The following SLC15A5 variants were observed in gnomAD, a reference collection of about 807,000 sequenced individuals.
SLC15A5 encodes the protein solute carrier family 15 member 5.
Under a neutral mutation model 56.1 loss-of-function variants are expected in SLC15A5, and 58 were observed. The observed-to-expected ratio is 1.03, with a 90% confidence interval of 0.84 to 1.29. The LOEUF (loss-of-function observed/expected upper bound fraction) is 1.29, where lower values mean the gene tolerates loss of function less well. SLC15A5 is among the 50% of genes most tolerant of loss of function. The pLI is 0.00. For synonymous variants in SLC15A5, 264 were observed against 250.5 expected, an observed-to-expected ratio of 1.05 and a Z score of -0.51; for missense variants, 681 against 672.1, an observed-to-expected ratio of 1.01 and a Z score of -0.15.
chr12:16,200,081 A>G (rs982678550), intron 7 of SLC15A5, among the ~76,000 whole-genome samples: 28 of 152,046 alleles, frequency 1.8e-4, no homozygotes, highest in African/African-American at 6.0e-4. Flanking sequence ...GCATGAGTAA[A>G]CAGAAAAAGG....
chr12:16,205,590 T>TATATATATATATACAC (rs775209178), intron 7 of SLC15A5, among the ~76,000 whole-genome samples: 1 of 57,150 alleles, frequency 1.7e-5, no homozygotes, highest in African/African-American at 6.6e-5. Context: ...CATATATATA[T>TATATATATATATACAC]ACATATACAC....
intron 8 of SLC15A5, among the ~76,000 whole-genome samples, chr12:16,192,419 A>G (rs10219493): frequency 0.48 from 73,201 of 151,746 alleles, 18,126 homozygotes; most frequent in South Asian, 0.72. Context: ...GGTTCCTCCA[A>G]TCTCTGGTGT....
In SLC15A5 at chr12:16,202,164, C is replaced by T. The variant is rs1349614880; in HGVS notation, c.1484-7711G>A. 2.0e-5 allele frequency among the ~76,000 whole-genome samples: 3 copies of T among 152,164 alleles called. No individual in the cohort carries two copies. The East Asian group carries it at 5.8e-4, about 29-fold the overall frequency. ...AGGAAATAACAGAGTGAAGAGATAA[C>T]CCACAGATTGGGAAAAATATTTGCA... On this transcript the variant is annotated intron_variant, in intron 7 of 8. Coordinates refer to ENST00000344941, the MANE Select transcript of SLC15A5 (RefSeq NM_001170798.1).
At chr12:16,273,595 A>G (rs185143200) in intron 1 of SLC15A5, among the ~76,000 whole-genome samples, 1 of 152,144 alleles carries the variant, frequency 6.6e-6, no homozygotes, top group Admixed American at 6.6e-5. Flanking sequence ...AAACTTTGTG[A>G]TGTGAGTGGA....
Position 16,189,679 on chromosome 12 carries a change from T to C in SLC15A5, c.1729A>G (p.Thr577Ala), listed in dbSNP as rs1488773383. The C allele has an allele frequency of 2.0e-6, 3 of 1,512,094 alleles. No homozygotes were observed. Among genetic ancestry groups the C allele is most frequent in the African/African-American group, 2.8e-5 (2 of 71,930 alleles). The allele number at this position is 1,512,094 out of a possible 1,614,324, so 93.7% of individuals were successfully genotyped here. The change falls in exon 9 of 9, where the codon ACA becomes GCA. Residue 577 changes from threonine (T) to alanine (A), a missense_variant. By Grantham distance (58) the Thr-to-Ala change is moderately conservative. Coordinates refer to ENST00000344941, the MANE Select transcript of SLC15A5 (RefSeq NM_001170798.1). ...ACTCAAACACAGTTTCATAGGGCTG[T>C]CTCCCAAAGATCAATACTTGAAGAA... ...EFSSSIDLWE[T>A]AL is the part of the protein sequence containing the mutation.
At chr12:16,227,062 A>G (rs1294269996) in intron 5 of SLC15A5, among the ~76,000 whole-genome samples, 2 of 152,168 alleles carry the variant, frequency 1.3e-5, no homozygotes, top group Non-Finnish European at 2.9e-5. Context: ...ATATATTCAT[A>G]AAGACTGCTC....
intron 8 of SLC15A5, among the ~76,000 whole-genome samples, chr12:16,190,714 T>A (rs371163261): frequency 6.6e-6 from 1 of 152,170 alleles, no homozygotes; most frequent in East Asian, 1.9e-4. Context: ...AATTTTACCT[T>A]CTTTTCCTTC....
chr12:16,230,768 A>C (rs1197402591), intron 5 of SLC15A5, among the ~76,000 whole-genome samples: 1 of 151,066 alleles, frequency 6.6e-6, no homozygotes, highest in Non-Finnish European at 1.5e-5. Context: ...AAAAAAAAAA[A>C]AAAAAATAGC....
chr12:16,265,781 C>G (rs1864689264), intron 2 of SLC15A5, among the ~76,000 whole-genome samples: 1 of 152,176 alleles, frequency 6.6e-6, no homozygotes, highest in Admixed American at 6.5e-5. Flanking sequence ...CTACACCCAG[C>G]TTCTTCTCTG....
In SLC15A5 at chr12:16,194,374, G is replaced by T; in HGVS notation, c.1563C>A (p.Asn521Lys). 6.5e-7 allele frequency: 1 copy of T among 1,534,142 alleles called. No homozygotes were observed. The highest frequency in any genetic ancestry group is 2.5e-5 in the East Asian group (1 of 40,814). ...GTGAAACACTGCAGAATCCCAGGAC[G>T]TTCAACAATGTTAATGATGCCAGGA... ...FFFLASLTLL[N>K]VLGFCSVSQR... is the part of the protein sequence containing the mutation. Residue 521 changes from asparagine (N) to lysine (K), a missense_variant, in exon 8 of 9, where the codon AAC becomes AAA. Transcript: ENST00000344941.
chr12:16,272,322 T>C (rs930835013), intron 2 of SLC15A5, among the ~76,000 whole-genome samples: 1 of 152,116 alleles, frequency 6.6e-6, no homozygotes, highest in African/African-American at 2.4e-5. Flanking sequence ...ACTTCAAATC[T>C]TTTTACCTGG....
chr12:16,225,692 A>G (rs1440539638), intron 5 of SLC15A5, among the ~76,000 whole-genome samples: 1 of 152,262 alleles, frequency 6.6e-6, no homozygotes, highest in African/African-American at 2.4e-5. Context: ...CAACAGACAC[A>G]TGAAAAAATG....
intron 7 of SLC15A5, among the ~76,000 whole-genome samples, chr12:16,214,199 T>C (rs2136245289): frequency 6.6e-6 from 1 of 152,368 alleles, no homozygotes; most frequent in Non-Finnish European, 1.5e-5. Context: ...CTATACTATA[T>C]AGATTCCCAA....
chr12:16,258,031 A>G (rs1864595021), intron 2 of SLC15A5, among the ~76,000 whole-genome samples, 161 bp from the exon 3 acceptor site: 1 of 152,194 alleles, frequency 6.6e-6, no homozygotes, highest in Admixed American at 6.5e-5. Context: ...AAGTATATAA[A>G]CATCAGCCCT....
intron 3 of SLC15A5, among the ~76,000 whole-genome samples, chr12:16,246,236 G>C (rs113246991): frequency 5.9e-5 from 9 of 152,286 alleles, no homozygotes; most frequent in Admixed American, 2.0e-4. Context: ...GTAGATGAAG[G>C]CCCAGGTACT....
At position 16,243,313 on chromosome 12, in the gene SLC15A5, C is replaced by T. The variant is rs780670432; in HGVS notation, c.975+1267G>A. On this transcript the variant is annotated intron_variant, in intron 4 of 8. Transcript: ENST00000344941. This position sits in a 1 kb window ranked among gnomAD's most constrained non-coding sequence, Gnocchi z 4.4. Reference sequence around the variant, plus strand: ...GCAACCTCCGCCTCCTGGGTTCAAGCGATTCTCCAGCCTCAGCCTCCCAAG... The same window carrying T: ...GCAACCTCCGCCTCCTGGGTTCAAGTGATTCTCCAGCCTCAGCCTCCCAAG... Among the ~76,000 whole-genome samples the T allele has an allele frequency of 3.3e-5, 5 of 151,332 alleles. No individual in the cohort carries two copies. Among genetic ancestry groups the T allele is most frequent in the East Asian group, 1.9e-4 (1 of 5,130 alleles).
intron 1 of SLC15A5, among the ~76,000 whole-genome samples, chr12:16,275,128 C>T (rs947070261): frequency 3.3e-5 from 5 of 151,892 alleles, no homozygotes; most frequent in Admixed American, 6.6e-5. Flanking sequence ...TGGATGCAAT[C>T]GTATAAGTAT....
At chr12:16,241,177 G>T (rs1401029241) in intron 4 of SLC15A5, among the ~76,000 whole-genome samples, 2 of 152,128 alleles carry the variant, frequency 1.3e-5, no homozygotes, top group African/African-American at 4.8e-5. Flanking sequence ...GCTATTGAGT[G>T]TCATAGACAG....
In SLC15A5 at chr12:16,237,994, A is replaced by G. The variant is rs935504724; in HGVS notation, c.1162+1687T>C. On this transcript the variant is annotated intron_variant, in intron 5 of 8. Transcript: ENST00000344941. The surrounding 1 kb of genome is among the most constrained non-coding windows in gnomAD (Gnocchi z 4.1). ...GGATTTCTACATTGGCAGACAGAAA[A>G]GCACTTTTTAAGTCTTAAGGATTAT... 2.6e-5 allele frequency among the ~76,000 whole-genome samples: 4 copies of G among 152,204 alleles called. No homozygotes were observed. The highest frequency in any genetic ancestry group is 5.9e-5 in the Non-Finnish European group (4 of 68,036).
Sources: gnomAD v4.1 joint callset for allele counts (sites outside exome capture counted in the v4.1 genomes callset) on GRCh38, gnomAD v4.1.1 for gene constraint, Gnocchi (gnomAD v3.1) non-coding constraint, MANE v1.5 for transcripts, NCBI Gene and HGNC (gene_info 2026-07-23, HGNC 2026-07-21) for gene names.